The following CDYL2 variants were observed in gnomAD, a reference collection of about 807,000 sequenced individuals.
The protein encoded by CDYL2 is chromodomain Y like 2.
Under a neutral mutation model 49.4 loss-of-function variants are expected in CDYL2, and 23 were observed. The ratio of observed to expected loss-of-function variants is 0.47; its 90% confidence interval spans 0.34 to 0.66. The LOEUF is 0.66. CDYL2 is among the 30% of genes least tolerant of loss of function. The pLI, the probability that CDYL2 is intolerant of heterozygous loss-of-function variation, is 0.01. For synonymous variants in CDYL2, 360 were observed against 268.8 expected (o/e 1.34, Z -3.32); for missense variants, 678 against 656.4 (o/e 1.03, Z -0.36).
chr16:80,744,275 A>G (rs1428139489), intron 1 of CDYL2, among the ~76,000 whole-genome samples: 1 of 152,126 alleles, frequency 6.6e-6, no homozygotes, highest in Non-Finnish European at 1.5e-5. Context: ...CCTGCTCCCT[A>G]GGCCTGCTCC....
chr16:80,729,806 A>G (rs9673214), intron 1 of CDYL2, among the ~76,000 whole-genome samples: 50,241 of 151,174 alleles, frequency 0.33, 8,524 homozygotes, highest in East Asian at 0.52. Flanking sequence ...CTCACTCAAA[A>G]CCACTCAACT....
intron 2 of CDYL2, among the ~76,000 whole-genome samples, chr16:80,668,261 C>T (rs1909353501): frequency 6.6e-6 from 1 of 152,164 alleles, no homozygotes; most frequent in Admixed American, 6.5e-5. Flanking sequence ...ACAAGGTGTT[C>T]TCACCACCTT....
intron 1 of CDYL2, among the ~76,000 whole-genome samples, chr16:80,760,949 G>A (rs1056633168): frequency 6.6e-6 from 1 of 152,062 alleles, no homozygotes; most frequent in African/African-American, 2.4e-5. Flanking sequence ...ATGCGCAAAG[G>A]TGACAAAAAC....
intron 3 of CDYL2, among the ~76,000 whole-genome samples, chr16:80,628,712 G>C (rs1191586622): frequency 1.3e-5 from 2 of 152,152 alleles, no homozygotes; most frequent in African/African-American, 4.8e-5. Flanking sequence ...AGCTAAAATA[G>C]CATACTTACC....
At chr16:80,630,582 C>A (rs537360963) in intron 3 of CDYL2, among the ~76,000 whole-genome samples, 15 of 151,688 alleles carry the variant, frequency 9.9e-5, no homozygotes, top group African/African-American at 3.6e-4. Flanking sequence ...AGGCTCTGGG[C>A]TTCTTTGAAT....
intron 1 of CDYL2, among the ~76,000 whole-genome samples, chr16:80,757,857 T>C (rs1022828799): frequency 4.6e-5 from 7 of 152,212 alleles, no homozygotes; most frequent in Admixed American, 1.3e-4. Context: ...GAGTCTATTC[T>C]TTCCAAGTCT....
At chr16:80,705,391 T>C (rs756615751) in intron 1 of CDYL2, among the ~76,000 whole-genome samples, 4 of 152,196 alleles carry the variant, frequency 2.6e-5, no homozygotes, top group Admixed American at 6.5e-5. Flanking sequence ...GATGCAAACT[T>C]ACTGACCCCA....
chr16:80,677,315 C>A (rs1035151652), intron 2 of CDYL2, among the ~76,000 whole-genome samples: 2 of 152,140 alleles, frequency 1.3e-5, no homozygotes, highest in African/African-American at 4.8e-5. Context: ...TTCTAGCCCT[C>A]CTTTAGGCTG....
At chr16:80,697,497 T>A (rs1484117017) in intron 1 of CDYL2, among the ~76,000 whole-genome samples, 2 of 152,104 alleles carry the variant, frequency 1.3e-5, no homozygotes, top group Non-Finnish European at 2.9e-5. Flanking sequence ...AAGCTTTTCC[T>A]CTAAGAACTG....
intron 1 of CDYL2, among the ~76,000 whole-genome samples, chr16:80,701,026 A>G (rs1414366971): frequency 6.6e-6 from 1 of 152,276 alleles, no homozygotes; most frequent in Admixed American, 6.5e-5. Context: ...TTGGACAGGT[A>G]GCATGAGTGA....
At chr16:80,726,133 C>T (rs1037855590) in intron 1 of CDYL2, among the ~76,000 whole-genome samples, 6 of 152,152 alleles carry the variant, frequency 3.9e-5, no homozygotes, top group African/African-American at 7.2e-5. Flanking sequence ...TCAGTTCAAA[C>T]GGTTGAGGCA....
chr16:80,684,768 T>C lies in CDYL2; in HGVS notation c.386A>G (p.Asp129Gly). The change falls in exon 2 of 7, where the codon GAC becomes GGC. Residue 129 changes from aspartate to glycine, a missense_variant. This residue lies in a region of CDYL2 where 478 missense variants were observed against 427.0 expected (regional missense o/e 1.12). Coordinates refer to ENST00000570137, the MANE Select transcript of CDYL2 (RefSeq NM_152342.4). ...GTAAGACACCGTCTTGGTGGCCCTG[T>C]CACCTCCTGAAGAGGGCTTGCCTGA... ...GYSGKPSSGG[D>G]RATKTVSYRT... is the part of the protein sequence containing the mutation. 1 of 1,614,220 alleles carries C rather than the reference T, an allele frequency of 6.2e-7. No homozygotes were observed. Among genetic ancestry groups the C allele is most frequent in the Non-Finnish European group, 8.5e-7 (1 of 1,180,040 alleles).
intron 1 of CDYL2, among the ~76,000 whole-genome samples, chr16:80,799,802 T>C (rs1483284106): frequency 6.6e-6 from 1 of 152,240 alleles, no homozygotes; most frequent in Non-Finnish European, 1.5e-5. Context: ...GAGAATCATA[T>C]ACTCATTCCA....
intron 1 of CDYL2, among the ~76,000 whole-genome samples, chr16:80,726,021 T>C (rs1463255138): frequency 6.6e-6 from 1 of 152,240 alleles, no homozygotes; most frequent in Admixed American, 6.5e-5. Context: ...TCCTCCATTA[T>C]GTATGTCTGA....
At chr16:80,645,392 C>G (rs1007913279) in intron 2 of CDYL2, among the ~76,000 whole-genome samples, 14 of 152,178 alleles carry the variant, frequency 9.2e-5, no homozygotes, top group African/African-American at 3.4e-4. Flanking sequence ...AAATGCTCAT[C>G]ATCACTGGCC....
intron 2 of CDYL2, among the ~76,000 whole-genome samples, chr16:80,661,000 G>A (rs1049868848): frequency 2.2e-4 from 33 of 152,136 alleles, no homozygotes; most frequent in African/African-American, 7.5e-4. Flanking sequence ...TGGGGTTGGG[G>A]TGAGGCCACA....
chr16:80,672,438 G>C (rs2142452989), intron 2 of CDYL2, among the ~76,000 whole-genome samples: 1 of 149,638 alleles, frequency 6.7e-6, no homozygotes, highest in East Asian at 2.0e-4. Flanking sequence ...CACAGGATAA[G>C]GTGATGTAAG....
chr16:80,757,996 A>C (rs1217366465), intron 1 of CDYL2, among the ~76,000 whole-genome samples: 1 of 152,186 alleles, frequency 6.6e-6, no homozygotes, highest in Non-Finnish European at 1.5e-5. Context: ...GAATACAAGG[A>C]AGGCTTTACT....
rs1905952723 is a variant in CDYL2, at chr16:80,598,840, T to C, written c.*5548A>G. ...AGCAGTTTCTCTGCACCATCAAGCA[T>C]GCACATATCTGTCTAGATGTGCCCA... is the stretch of plus-strand genomic sequence containing the variant. On this transcript the variant is annotated 3_prime_UTR_variant, in exon 7 of 7. Coordinates refer to ENST00000570137, the MANE Select transcript of CDYL2 (RefSeq NM_152342.4). 1 of 152,174 alleles carries C rather than the reference T, an allele frequency of 6.6e-6. No individual in the cohort carries two copies. Among genetic ancestry groups the C allele is most frequent in the Non-Finnish European group, 1.5e-5 (1 of 68,024 alleles). The allele number at this position is 152,174 out of a possible 1,614,324, so 9.4% of individuals were successfully genotyped here.
Sources: allele counts gnomAD v4.1 joint callset (sites outside exome capture counted in the v4.1 genomes callset), GRCh38; gene constraint gnomAD v4.1.1; regional missense constraint gnomAD v4.1.1; transcripts MANE v1.5; gene names NCBI Gene and HGNC (gene_info 2026-07-23, HGNC 2026-07-21).